DRC1: variants seen among roughly 807,000 people sequenced by gnomAD.
The protein encoded by DRC1 is dynein regulatory complex protein 1.
Under a neutral mutation model 98.7 loss-of-function variants are expected in DRC1, and 74 were observed. The ratio of observed to expected loss-of-function variants is 0.75; its 90% CI spans 0.62 to 0.91. The LOEUF (loss-of-function observed/expected upper bound fraction) is 0.91, where lower values mean the gene tolerates loss of function less well. Ranked by LOEUF, DRC1 falls within the 40% of genes least tolerant of loss-of-function variation. DRC1 has a pLI of 0.00. For synonymous variants in DRC1, 336 were observed against 334.1 expected, an observed-to-expected ratio of 1.01 and a Z score of -0.06; for missense variants, 875 against 886.0, an observed-to-expected ratio of 0.99 and a Z score of 0.16.
chr2:26,455,256 G>A (rs948443603), intron 16 of DRC1, 23 bp downstream of exon 16: 1 of 1,606,990 alleles, frequency 6.2e-7, no homozygotes, highest in Non-Finnish European at 8.5e-7. Context: ...GCCTTCCAAG[G>A]AGGGGCAGCG....
chr2:26,406,727 A>T (rs1678440056), intron 1 of DRC1, among the ~76,000 whole-genome samples: 1 of 151,788 alleles, frequency 6.6e-6, no homozygotes, highest in African/African-American at 2.4e-5. Flanking sequence ...AACCAAAAAG[A>T]ATAGGAATAA....
rs888716409 is a variant in DRC1 at position 26,405,904 on chromosome 2, C to A, written c.155+3760C>A. On this transcript the variant is annotated intron_variant, in intron 1 of 16. Coordinates refer to ENST00000288710, the MANE Select transcript of DRC1 (RefSeq NM_145038.5). ...CGAACTCCTGGCCTCAGGCAATCCA[C>A]CTGCCTCAGCCTCCCAAAGTGCTGG... is the stretch of plus-strand genomic sequence containing the variant. Among the ~76,000 whole-genome samples, 6 of 152,134 alleles carry A rather than the reference C, an allele frequency of 3.9e-5. No homozygotes were observed. The South Asian group carries it at 1.2e-3, about 32-fold the overall frequency.
In DRC1 at chr2:26,428,581, G is replaced by A. The variant is rs368776228; in HGVS notation, c.541-1047G>A. Among the ~76,000 whole-genome samples the A allele has an allele frequency of 3.0e-4, 46 of 152,226 alleles. No individual in the cohort carries two copies. The Middle Eastern group carries it at 0.01, about 34-fold the overall frequency. ...TGGGAGGCCGAGGCAGGTGGATCAC[G>A]AGGTCAGGATATCGAGACCATCCTG... On this transcript the variant is annotated intron_variant, in intron 4 of 16. Transcript: ENST00000288710.
At chr2:26,449,925 G>A in intron 11 of DRC1, 71 bp from the exon 12 acceptor site, 1 of 1,376,066 alleles carries the variant, frequency 7.3e-7, no homozygotes, top group Non-Finnish European at 1.0e-6. Flanking sequence ...TACACAGGGG[G>A]CAGCTGCAGA....
chr2:26,428,854 A>G lies in DRC1; in HGVS notation c.541-774A>G, dbSNP rs541718092. Among the ~76,000 whole-genome samples the G allele has an allele frequency of 1.9e-4, 29 of 152,240 alleles. 1 individual carries two copies. Among genetic ancestry groups the G allele is most frequent in the Admixed American group, 1.7e-3 (26 of 15,300 alleles). ...GGGACCACTGTCGTATATGTGGTCC[A>G]TCATGGACTGAAATGTTGCTATGCA... On this transcript the variant is annotated intron_variant, in intron 4 of 16. Coordinates refer to ENST00000288710, the MANE Select transcript of DRC1 (RefSeq NM_145038.5).
In DRC1 at chr2:26,438,170, A is replaced by C. The variant is rs561716395; in HGVS notation, c.889-2208A>C. 2.0e-5 allele frequency among the ~76,000 whole-genome samples: 3 copies of C among 151,960 alleles called. No individual in the cohort carries two copies. The East Asian group carries it at 5.8e-4, about 29-fold the overall frequency. On this transcript the variant is annotated intron_variant, in intron 7 of 16. Coordinates refer to ENST00000288710, the MANE Select transcript of DRC1 (RefSeq NM_145038.5). Reference sequence around the variant, plus strand: ...CTTTACTAACATGGAAAATTGTTGTAATATTGAGGGAGGAAAGTAGGATAT... The same window carrying C: ...CTTTACTAACATGGAAAATTGTTGTCATATTGAGGGAGGAAAGTAGGATAT...
intron 10 of DRC1, among the ~76,000 whole-genome samples, chr2:26,448,030 G>C (rs1663903388): frequency 6.6e-6 from 1 of 150,862 alleles, no homozygotes; most frequent in South Asian, 2.1e-4. Context: ...TTCGAGACCA[G>C]CCTGGCCAAT....
At chr2:26,450,763 T>C (rs1026915174) in intron 13 of DRC1, 82 bp downstream of exon 13, 1 of 1,234,520 alleles carries the variant, frequency 8.1e-7, no homozygotes, top group African/African-American at 1.6e-5. Context: ...AAGTTCTGGG[T>C]TACATGTGCA....
intron 12 of DRC1, 92 bp downstream of exon 12, chr2:26,450,177 C>A: frequency 8.0e-7 from 1 of 1,250,658 alleles, no homozygotes; most frequent in Non-Finnish European, 1.1e-6. Flanking sequence ...TGGCAGTGGA[C>A]GAGGGTCTCC....
In DRC1 at chr2:26,455,180, G is replaced by C; in HGVS notation, c.2113G>C (p.Glu705Gln). ...GCTGCTGCTGGAAAACAGTTCTCTG[G>C]AGCAGCAGAACACAGAGCTGCAGGC... is the stretch of plus-strand genomic sequence containing the variant. ...AKLLLENSSLEQQNTELQALL... is the reference protein window; with the variant it reads ...AKLLLENSSLQQQNTELQALL... Residue 705 changes from glutamate (E) to glutamine (Q), a missense_variant, in exon 16 of 17, where the codon GAG (glutamate) becomes CAG (glutamine). Glu to Gln is a conservative substitution (Grantham distance 29). Transcript: ENST00000288710. The C allele has an allele frequency of 6.2e-7, 1 of 1,614,088 alleles. No individual in the cohort carries two copies. Among genetic ancestry groups the C allele is most frequent in the South Asian group, 1.1e-5 (1 of 91,070 alleles).
chr2:26,442,739 C>A (rs1213471792), intron 8 of DRC1, among the ~76,000 whole-genome samples: 2 of 152,162 alleles, frequency 1.3e-5, no homozygotes, highest in African/African-American at 4.8e-5. Context: ...TTTCTGAAAC[C>A]AGACTTGCCT....
At chr2:26,414,854 C>T (rs1485490502) in intron 2 of DRC1, among the ~76,000 whole-genome samples, 1 of 152,102 alleles carries the variant, frequency 6.6e-6, no homozygotes, top group Non-Finnish European at 1.5e-5. Flanking sequence ...ATCTGGAATG[C>T]CAGGCCCCCT....
chr2:26,446,417 C>T (rs537797314), intron 10 of DRC1, among the ~76,000 whole-genome samples: 148 of 152,186 alleles, frequency 9.7e-4, no homozygotes, highest in African/African-American at 3.3e-3. Flanking sequence ...ACGCTGTGGG[C>T]GCTGGGTGCT....
At chr2:26,420,908 C>T (rs1663121100) in intron 2 of DRC1, among the ~76,000 whole-genome samples, 1 of 151,922 alleles carries the variant, frequency 6.6e-6, no homozygotes, top group Admixed American at 6.6e-5. Context: ...GGATTACAGG[C>T]ACCCGCCACC....
intron 12 of DRC1, 70 bp from the exon 13 acceptor site, chr2:26,450,522 A>G: frequency 2.9e-6 from 4 of 1,400,346 alleles, no homozygotes; most frequent in South Asian, 2.5e-5. Context: ...GGAGCTGAGC[A>G]TCTGTCAGCT....
At chr2:26,423,692 T>C (rs1046153532) in intron 3 of DRC1, among the ~76,000 whole-genome samples, 2 of 152,242 alleles carry the variant, frequency 1.3e-5, no homozygotes, top group African/African-American at 4.8e-5. Context: ...GTTGCTAATA[T>C]AAAATTGATA....
chr2:26,430,486 T>A (rs1474601822), intron 5 of DRC1: 1 of 519,790 alleles, frequency 1.9e-6, no homozygotes, highest in African/African-American at 1.9e-5. Context: ...TGGCCTGCCG[T>A]GTGACTGCCA....
intron 4 of DRC1, among the ~76,000 whole-genome samples, chr2:26,425,021 T>G (rs534025725): frequency 6.6e-6 from 1 of 152,254 alleles, no homozygotes; most frequent in East Asian, 1.9e-4. Context: ...ATGCAATAGA[T>G]CTCTAAGAAC....
chr2:26,448,932 C>A, intron 11 of DRC1, 129 bp downstream of exon 11: 2 of 918,324 alleles, frequency 2.2e-6, no homozygotes, highest in Non-Finnish European at 3.4e-6. Context: ...CAGGGTTGGG[C>A]CCTGAGGAGC....
Sources: allele counts gnomAD v4.1 joint callset (sites outside exome capture counted in the v4.1 genomes callset), GRCh38; gene constraint gnomAD v4.1.1; transcripts MANE v1.5; gene names NCBI Gene and HGNC (gene_info 2026-07-23, HGNC 2026-07-21).